DPP3: variants seen among roughly 807,000 people sequenced by gnomAD.
DPP3 encodes the protein dipeptidyl peptidase 3.
DPP3 carries 64 observed loss-of-function variants against 89.8 expected under a neutral mutation model. That is an observed-to-expected ratio of 0.71 (90% CI 0.58 to 0.88). The LOEUF (loss-of-function observed/expected upper bound fraction) is 0.88, where lower values mean the gene tolerates loss of function less well. Ranked by LOEUF, DPP3 falls within the 40% of genes least tolerant of loss-of-function variation. The probability of loss-of-function intolerance (pLI) is 0.00; values close to 1 mark genes in which losing one functional copy is unlikely to be tolerated. For synonymous variants in DPP3, 377 were observed against 404.3 expected, an observed-to-expected ratio of 0.93 and a Z score of 0.81; for missense variants, 835 against 972.5, an observed-to-expected ratio of 0.86 and a Z score of 1.88.
At chr11:66,493,694 C>A in intron 12 of DPP3, 61 bp downstream of exon 12, 1 of 1,519,278 alleles carries the variant, frequency 6.6e-7, no homozygotes, top group South Asian at 1.2e-5. Context: ...CACAACCTGC[C>A]CTACCCAGCG....
At position 66,480,667 on chromosome 11, in the gene DPP3, G is replaced by C. The variant is rs1348195418; in HGVS notation, c.-9+202G>C. ...CCGAACCTCGAGGCTGTGCTATTGG[G>C]GCGGGGCTTCTGGAGGCCGGGGCAG... On this transcript the variant is annotated intron_variant, in intron 1 of 17. Transcript: ENST00000531863. The C allele has an allele frequency of 1.5e-5, 8 of 524,892 alleles. No individual in the cohort carries two copies. The East Asian group carries it at 2.5e-4, about 16-fold the overall frequency. The allele number at this position is 524,892 out of a possible 1,614,324, so 32.5% of individuals were successfully genotyped here.
intron 17 of DPP3, among the ~76,000 whole-genome samples, chr11:66,505,827 A>AAAG (rs1452701019): frequency 1.3e-5 from 2 of 152,052 alleles, no homozygotes; most frequent in Non-Finnish European, 2.9e-5. Context: ...AAAAAAAAAA[A>AAAG]AAAGCATTGT....
At chr11:66,503,404 C>T (rs1855727012) in intron 16 of DPP3, among the ~76,000 whole-genome samples, 1 of 152,232 alleles carries the variant, frequency 6.6e-6, no homozygotes, top group Non-Finnish European at 1.5e-5. Flanking sequence ...GTTTCTCACT[C>T]ATTCAGCACA....
intron 17 of DPP3, among the ~76,000 whole-genome samples, chr11:66,505,239 A>G (rs1173421502): frequency 6.6e-6 from 1 of 152,152 alleles, no homozygotes; most frequent in African/African-American, 2.4e-5. Context: ...TCAAGCGACA[A>G]TTCCAGAGCC....
In DPP3 at chr11:66,480,476, G is replaced by A; in HGVS notation, c.-9+11G>A. 1.3e-6 allele frequency: 2 copies of A among 1,487,832 alleles called. No homozygotes were observed. Among genetic ancestry groups the A allele is most frequent in the Non-Finnish European group, 1.8e-6 (2 of 1,126,636 alleles). The allele number at this position is 1,487,832 out of a possible 1,614,324, so 92.2% of individuals were successfully genotyped here. ...GAGCAGCTGCTGCAGGTGAGGCGCG[G>A]CGCCTGGGCTTTTGGGGTCAAAGCG... On this transcript the variant is annotated intron_variant, in intron 1 of 17. Coordinates refer to ENST00000531863, the MANE Select transcript of DPP3 (RefSeq NM_130443.4).
At chr11:66,488,842 T>A in intron 6 of DPP3, among the ~76,000 whole-genome samples, 1 of 152,124 alleles carries the variant, frequency 6.6e-6, no homozygotes, top group Non-Finnish European at 1.5e-5. Context: ...TGATGGACCC[T>A]CTCTAGGTCT....
intron 16 of DPP3, among the ~76,000 whole-genome samples, chr11:66,501,891 A>G (rs1855685052): frequency 6.6e-6 from 1 of 151,150 alleles, no homozygotes; most frequent in African/African-American, 2.4e-5. Context: ...GGAAAGCAAG[A>G]GAGTTTTTTA....
chr11:66,480,575 C>A, intron 1 of DPP3, 110 bp downstream of exon 1: 1 of 1,268,574 alleles, frequency 7.9e-7, no homozygotes, highest in Non-Finnish European at 1.0e-6. Context: ...CTCCAGTACC[C>A]CCTCCAAATT....
intron 16 of DPP3, among the ~76,000 whole-genome samples, chr11:66,501,723 G>T (rs1273543362): frequency 6.6e-6 from 1 of 151,328 alleles, no homozygotes; most frequent in Non-Finnish European, 1.5e-5. Context: ...TACAGAGGAG[G>T]CTGAGGCAGG....
rs1405900423 is a variant in DPP3 at position 66,491,576 on chromosome 11, A to G, written c.881A>G (p.Lys294Arg). 5.0e-6 allele frequency: 8 copies of G among 1,613,950 alleles called. No homozygotes were observed. The highest frequency in any genetic ancestry group is 2.2e-5 in the South Asian group (2 of 91,066). Residue 294 changes from lysine (K) to arginine (R), a missense_variant, in exon 8 of 18, where the codon AAG becomes AGG. Transcript: ENST00000531863. Reference protein sequence around the residue: ...SFTQGSIEAHKRGSRFWIQDK... With the variant: ...SFTQGSIEAHRRGSRFWIQDK... ...ACCCAGGGCTCCATCGAGGCCCACAAGAGGGGCTCCCGCTTCTGGATCCAG... is the reference window on the plus strand; with the variant it reads ...ACCCAGGGCTCCATCGAGGCCCACAGGAGGGGCTCCCGCTTCTGGATCCAG...
intron 16 of DPP3, among the ~76,000 whole-genome samples, chr11:66,497,996 C>T (rs1018624649): frequency 1.3e-5 from 2 of 152,070 alleles, no homozygotes; most frequent in Non-Finnish European, 2.9e-5. Context: ...AGTGCAATGG[C>T]GTGATCTCGG....
chr11:66,488,301 C>T (rs1054671423), intron 6 of DPP3, among the ~76,000 whole-genome samples: 11 of 152,244 alleles, frequency 7.2e-5, no homozygotes, highest in Admixed American at 2.6e-4. Context: ...GCAGCTCACA[C>T]CTGTAATCCC....
rs762884562 is a variant in DPP3 at position 66,509,238 on chromosome 11, C to G, written c.2201C>G (p.Ser734Cys). 26 of 1,610,966 alleles carry G rather than the reference C, an allele frequency of 1.6e-5. No homozygotes were observed. The African/African-American group carries it at 2.7e-4, about 17-fold the overall frequency. ...TGGAAGGGCCCCAGTGAGGCCCCATCTGGCCAAGCTTGAGGAAGATGTGTG... is the reference window on the plus strand; with the variant it reads ...TGGAAGGGCCCCAGTGAGGCCCCATGTGGCCAAGCTTGAGGAAGATGTGTG... ...RFWKGPSEAPSGQA is the reference protein window; with the variant it reads ...RFWKGPSEAPCGQA Residue 734 changes from serine (S) to cysteine (C), a missense_variant, in exon 18 of 18, where the codon TCT (serine) becomes TGT (cysteine). By Grantham distance (112) the Ser-to-Cys change is moderately radical. Coordinates refer to ENST00000531863, the MANE Select transcript of DPP3 (RefSeq NM_130443.4).
At position 66,491,478 on chromosome 11, in the gene DPP3, C is replaced by A. The variant is rs900730086; in HGVS notation, c.799-16C>A. On this transcript the variant is annotated splice_polypyrimidine_tract_variant and intron_variant, in intron 7 of 17. Transcript: ENST00000531863. ...GGGTGGGTGGCCCGAGGCTGACCGA[C>A]CCCCGCTCACCTCAGGCCTATGCAG... 3 of 1,597,834 alleles carry A rather than the reference C, an allele frequency of 1.9e-6. No homozygotes were observed. Among genetic ancestry groups the A allele is most frequent in the Non-Finnish European group, 1.7e-6 (2 of 1,169,710 alleles).
intron 9 of DPP3, 34 bp from the exon 10 acceptor site, chr11:66,492,682 C>T: frequency 6.5e-7 from 1 of 1,541,116 alleles, no homozygotes; most frequent in Middle Eastern, 1.8e-4. Flanking sequence ...CTCCTGGAAC[C>T]CTGCCAAGCC....
intron 16 of DPP3, among the ~76,000 whole-genome samples, chr11:66,500,383 A>T (rs535225294): frequency 3.9e-5 from 6 of 152,294 alleles, no homozygotes; most frequent in Non-Finnish European, 8.8e-5. Context: ...AACTTTTTTT[A>T]AAAAAGTGAA....
intron 17 of DPP3, 140 bp from the exon 18 acceptor site, chr11:66,508,939 A>G: frequency 9.3e-7 from 1 of 1,078,472 alleles, no homozygotes; most frequent in Non-Finnish European, 1.3e-6. Flanking sequence ...TAATTAACCT[A>G]AAACGTAGAG....
intron 2 of DPP3, among the ~76,000 whole-genome samples, chr11:66,484,219 G>C (rs531939298): frequency 2.0e-5 from 3 of 152,246 alleles, no homozygotes; most frequent in African/African-American, 7.2e-5. Flanking sequence ...CTCGTGATCT[G>C]CCCGCCTCGG....
At chr11:66,496,280 CT>C (rs1272808694) in intron 15 of DPP3, among the ~76,000 whole-genome samples, 1 of 152,232 alleles carries the variant, frequency 6.6e-6, no homozygotes, top group Non-Finnish European at 1.5e-5. Context: ...CAAAGTCTCG[CT>C]CTGTCACCAG....
Sources: allele counts gnomAD v4.1 joint callset (sites outside exome capture counted in the v4.1 genomes callset), GRCh38; gene constraint gnomAD v4.1.1; transcripts MANE v1.5; gene names NCBI Gene and HGNC (gene_info 2026-07-23, HGNC 2026-07-21).